The following TYW1 variants were observed in gnomAD, a reference collection of about 807,000 sequenced individuals.
TYW1 encodes the protein S-adenosyl-L-methionine-dependent tRNA 4-demethylwyosine synthase TYW1.
TYW1 carries 46 observed loss-of-function variants against 96.2 expected under a neutral mutation model. The observed-to-expected ratio is 0.48, with a 90% confidence interval of 0.38 to 0.61. The LOEUF is 0.61. Ranked by LOEUF, TYW1 falls within the 20% of genes least tolerant of loss-of-function variation. TYW1 has a pLI of 0.00. For synonymous variants in TYW1, 274 were observed against 323.0 expected, an observed-to-expected ratio of 0.85 and a Z score of 1.63; for missense variants, 684 against 909.6, an observed-to-expected ratio of 0.75 and a Z score of 3.19.
chr7:67,208,575 A>G (rs1800890605), intron 15 of TYW1, among the ~76,000 whole-genome samples: 1 of 151,574 alleles, frequency 6.6e-6, no homozygotes, highest in Admixed American at 6.6e-5. Flanking sequence ...CTGTAGTCCC[A>G]GCTATTCAGG....
At chr7:67,176,796 T>C (rs977188556) in intron 13 of TYW1, among the ~76,000 whole-genome samples, 2 of 152,152 alleles carry the variant, frequency 1.3e-5, no homozygotes, top group African/African-American at 4.8e-5. Context: ...TTTTTCAACA[T>C]TGGCACCATC....
intron 9 of TYW1, among the ~76,000 whole-genome samples, chr7:67,058,432 T>C (rs1465297562): frequency 6.6e-6 from 1 of 151,638 alleles, no homozygotes; most frequent in Non-Finnish European, 1.5e-5. Flanking sequence ...GCGGACAGAG[T>C]TGCTTGGGCA....
At chr7:67,085,161 TTGTTC>T (rs1237924904) in intron 11 of TYW1, among the ~76,000 whole-genome samples, 4 of 152,190 alleles carry the variant, frequency 2.6e-5, no homozygotes, top group Admixed American at 6.5e-5. Flanking sequence ...GTAAGGAAAT[TTGTTC>T]TGTTCTGGCC....
At chr7:67,125,163 C>T (rs1242928855) in intron 13 of TYW1, among the ~76,000 whole-genome samples, 2 of 152,106 alleles carry the variant, frequency 1.3e-5, no homozygotes, top group African/African-American at 4.8e-5. Flanking sequence ...CTTAATATTG[C>T]TTGATAAACA....
intron 3 of TYW1, among the ~76,000 whole-genome samples, chr7:67,004,471 C>G (rs1793503693): frequency 6.6e-6 from 1 of 152,172 alleles, no homozygotes; most frequent in Non-Finnish European, 1.5e-5. Flanking sequence ...CTCGCCAGCT[C>G]CCTTTCACTT....
chr7:67,005,704 G>T (rs1477821296), intron 3 of TYW1, among the ~76,000 whole-genome samples: 2 of 152,206 alleles, frequency 1.3e-5, no homozygotes, highest in African/African-American at 4.8e-5. Flanking sequence ...TGACTCCAGT[G>T]TACTCTCAAC....
intron 13 of TYW1, among the ~76,000 whole-genome samples, chr7:67,171,840 A>G (rs10267317): frequency 0.28 from 42,708 of 151,534 alleles, 6,524 homozygotes; most frequent in African/African-American, 0.4. Flanking sequence ...TTTATTTTCA[A>G]CCTTTTTTGT....
chr7:67,058,878 A>G (rs1795610746), intron 9 of TYW1, among the ~76,000 whole-genome samples: 1 of 152,114 alleles, frequency 6.6e-6, no homozygotes, highest in South Asian at 2.1e-4. Context: ...ACCTCTGCCA[A>G]TATGGATATC....
chr7:67,089,611 TG>T (rs1207263779), intron 11 of TYW1: 1 of 515,196 alleles, frequency 1.9e-6, no homozygotes, highest in East Asian at 3.4e-5. Context: ...CTGTGGGGAT[TG>T]TTGCTTATTG....
intron 13 of TYW1, among the ~76,000 whole-genome samples, chr7:67,123,505 T>G (rs189692273): frequency 1.7e-3 from 256 of 152,336 alleles, no homozygotes; most frequent in African/African-American, 4.6e-3. Context: ...GTATTGCATC[T>G]TAGGTTCGTG....
At chr7:67,053,873 C>T (rs1236067430) in intron 8 of TYW1, among the ~76,000 whole-genome samples, 3 of 152,186 alleles carry the variant, frequency 2.0e-5, no homozygotes, top group African/African-American at 4.8e-5. Context: ...GGTTTCATCT[C>T]TCTAGCTTTC....
intron 5 of TYW1, among the ~76,000 whole-genome samples, chr7:67,016,750 A>G (rs1207591823): frequency 6.6e-6 from 1 of 151,912 alleles, no homozygotes; most frequent in Non-Finnish European, 1.5e-5. Flanking sequence ...ACCTTAGCCT[A>G]CTGAGTAGCT....
chr7:66,997,259 C>T (rs13312275), intron 1 of TYW1, among the ~76,000 whole-genome samples: 1 of 152,068 alleles, frequency 6.6e-6, no homozygotes, highest in Non-Finnish European at 1.5e-5. Context: ...AATTTCAGGC[C>T]TCGACTTTTG....
intron 15 of TYW1, among the ~76,000 whole-genome samples, chr7:67,205,349 T>TC (rs1192677462): frequency 2.0e-5 from 3 of 151,136 alleles, no homozygotes; most frequent in Admixed American, 6.6e-5. Context: ...TTGTGACTGT[T>TC]CCCCCCTTAG....
intron 15 of TYW1, among the ~76,000 whole-genome samples, chr7:67,211,381 C>T (rs1313923771): frequency 1.3e-5 from 2 of 152,150 alleles, no homozygotes; most frequent in African/African-American, 2.4e-5. Flanking sequence ...CTCAGTCAGC[C>T]ACGTGTTTTT....
At chr7:67,144,595 C>T (rs1357452850) in intron 13 of TYW1, among the ~76,000 whole-genome samples, 4 of 152,088 alleles carry the variant, frequency 2.6e-5, no homozygotes, top group South Asian at 4.1e-4. Flanking sequence ...CTCAGCCTTC[C>T]GAGTAGCTGG....
chr7:67,037,094 T>G (rs1794862804), intron 7 of TYW1, among the ~76,000 whole-genome samples: 1 of 152,204 alleles, frequency 6.6e-6, no homozygotes, highest in African/African-American at 2.4e-5. Context: ...GGCTCAGTCT[T>G]GAGCACCCCC....
rs1465270057 is a variant in TYW1 at position 67,050,024 on chromosome 7, G to C, written c.1060G>C (p.Ala354Pro). The change falls in exon 8 of 16, where the codon GCT becomes CCT. Residue 354 changes from alanine to proline, a missense_variant. Ala to Pro is a conservative substitution (Grantham distance 27). Transcript: ENST00000359626. ...MGRNEDGERR[A>P]MITPALREAL... ...GAGGAATGAAGATGGTGAAAGAAGA[G>C]CTATGATAACTCCTGCTCTCCGAGA... 6.2e-7 allele frequency: 1 copy of C among 1,614,066 alleles called. No individual in the cohort carries two copies. The highest frequency in any genetic ancestry group is 1.7e-5 in the Admixed American group (1 of 60,002).
intron 7 of TYW1, among the ~76,000 whole-genome samples, chr7:67,045,017 T>G (rs1036287946): frequency 6.6e-6 from 1 of 152,186 alleles, no homozygotes; most frequent in African/African-American, 2.4e-5. Flanking sequence ...GAGAAATGTA[T>G]GTTTTGGTAA....
Sources: gnomAD v4.1 joint callset for allele counts (sites outside exome capture counted in the v4.1 genomes callset) on GRCh38, gnomAD v4.1.1 for gene constraint, MANE v1.5 for transcripts, NCBI Gene and HGNC (gene_info 2026-07-23, HGNC 2026-07-21) for gene names.